Variants in ROCK2 observed in about 807,000 individuals in gnomAD.
The protein encoded by ROCK2 is rho-associated protein kinase 2.
In ROCK2, 61 loss-of-function variants were observed where a neutral mutation model predicts 195.1. The observed-to-expected ratio is 0.31, with a 90% CI of 0.25 to 0.39. ROCK2 has a LOEUF of 0.39. Among genes scored for constraint, ROCK2 ranks in the 10% least tolerant of loss-of-function variants. The probability of loss-of-function intolerance (pLI) is 1.00; values close to 1 mark genes in which losing one functional copy is unlikely to be tolerated. For synonymous variants in ROCK2, 504 were observed against 545.5 expected (o/e 0.92, Z 1.06); for missense variants, 1,109 against 1,637.4 (o/e 0.68, Z 5.57).
chr2:11,340,846 T>C (rs1217267723), intron 1 of ROCK2, among the ~76,000 whole-genome samples: 1 of 152,222 alleles, frequency 6.6e-6, no homozygotes, highest in Non-Finnish European at 1.5e-5. Flanking sequence ...AGTAAGAGTT[T>C]ACCCAAGCGT....
Position 11,197,507 on chromosome 2 carries a change from G to A in ROCK2, c.3279+19C>T. 1.2e-6 allele frequency: 2 copies of A among 1,607,118 alleles called. No homozygotes were observed. Among genetic ancestry groups the A allele is most frequent in the Non-Finnish European group, 1.7e-6 (2 of 1,176,706 alleles). ...CTTAAAAAGAAGTCTTCAGTCTAGAGTCCAAAAAGTATTCTTACTGCCTGC... is the reference window on the plus strand; with the variant it reads ...CTTAAAAAGAAGTCTTCAGTCTAGAATCCAAAAAGTATTCTTACTGCCTGC... On this transcript the variant is annotated intron_variant, in intron 26 of 32. Coordinates refer to ENST00000315872, the MANE Select transcript of ROCK2 (RefSeq NM_004850.5). This position sits in a 1 kb window ranked among gnomAD's most constrained non-coding sequence, Gnocchi z 4.9.
chr2:11,339,069 C>G lies in ROCK2; in HGVS notation c.141+4927G>C, dbSNP rs143227734. Among the ~76,000 whole-genome samples, 1,083 of 152,256 alleles carry G rather than the reference C, an allele frequency of 7.1e-3. 15 individuals carry two copies. Among genetic ancestry groups the G allele is most frequent in the African/African-American group, 0.025 (1,031 of 41,562 alleles). ...ATAGGTGTGTGCATTTGTCAAAACTCACCAGCGGTACACTTCAGATCTGTG... is the reference window on the plus strand; with the variant it reads ...ATAGGTGTGTGCATTTGTCAAAACTGACCAGCGGTACACTTCAGATCTGTG... On this transcript the variant is annotated intron_variant, in intron 1 of 32. Coordinates refer to ENST00000315872, the MANE Select transcript of ROCK2 (RefSeq NM_004850.5).
intron 9 of ROCK2, among the ~76,000 whole-genome samples, chr2:11,220,796 T>C (rs1334444952): frequency 6.6e-6 from 1 of 152,166 alleles, no homozygotes; most frequent in African/African-American, 2.4e-5. Flanking sequence ...GTCTGACCTA[T>C]TTCTCCCTAC....
At position 11,260,016 on chromosome 2, in the gene ROCK2, A is replaced by G. The variant is rs139793018; in HGVS notation, c.325-10218T>C. 4.7e-3 allele frequency among the ~76,000 whole-genome samples: 717 copies of G among 151,706 alleles called. 43 individuals carry two copies. The highest frequency in any genetic ancestry group is 0.016 in the African/African-American group (671 of 40,946). ...GGGAATTTAAGGAATGAATTATCCT[A>G]GACTTGAAACTAGAAAACCCTCTTA... On this transcript the variant is annotated intron_variant, in intron 3 of 32. Coordinates refer to ENST00000315872, the MANE Select transcript of ROCK2 (RefSeq NM_004850.5).
chr2:11,340,763 TTATTTTA>T (rs1161974244), intron 1 of ROCK2, among the ~76,000 whole-genome samples: 1 of 152,184 alleles, frequency 6.6e-6, no homozygotes, highest in Non-Finnish European at 1.5e-5. Context: ...ATCAATCAAA[TTATTTTA>T]TGTTTTATGC....
intron 32 of ROCK2, among the ~76,000 whole-genome samples, chr2:11,185,005 A>T (rs1205959177): frequency 6.6e-6 from 1 of 152,220 alleles, no homozygotes; most frequent in African/African-American, 2.4e-5. Flanking sequence ...GACAGCGATC[A>T]TATTTGGGAT....
chr2:11,294,611 A>T (rs1313422138), intron 1 of ROCK2, among the ~76,000 whole-genome samples: 1 of 152,096 alleles, frequency 6.6e-6, no homozygotes, highest in African/African-American at 2.4e-5. Context: ...GTATTTTTTA[A>T]ATTAAATTCT....
At chr2:11,342,658 A>G (rs1400210758) in intron 1 of ROCK2, among the ~76,000 whole-genome samples, 1 of 152,212 alleles carries the variant, frequency 6.6e-6, no homozygotes, top group Non-Finnish European at 1.5e-5. Context: ...TTAGCCTAGG[A>G]AAAGCTATGC....
chr2:11,269,160 G>A (rs1034078112), intron 3 of ROCK2, among the ~76,000 whole-genome samples: 5 of 151,952 alleles, frequency 3.3e-5, no homozygotes, highest in South Asian at 2.1e-4. Flanking sequence ...CATCACTTTC[G>A]TGACTTTCTC....
chr2:11,238,401 T>C (rs2148110737), intron 4 of ROCK2, among the ~76,000 whole-genome samples: 1 of 152,198 alleles, frequency 6.6e-6, no homozygotes, highest in East Asian at 1.9e-4. Context: ...TCCATCTCAA[T>C]CCCAGTGGGT....
intron 1 of ROCK2, among the ~76,000 whole-genome samples, chr2:11,325,393 C>G (rs1668517302): frequency 6.6e-6 from 1 of 152,168 alleles, no homozygotes; most frequent in South Asian, 2.1e-4. Context: ...CAACTTCATA[C>G]CAGACTAAAT....
intron 1 of ROCK2, among the ~76,000 whole-genome samples, chr2:11,325,306 G>C (rs771133422): frequency 3.1e-4 from 47 of 152,284 alleles, no homozygotes; most frequent in Middle Eastern, 3.4e-3. Context: ...TATCCACAGG[G>C]GTCTTGGGGT....
At chr2:11,262,953 T>C (rs1009999851) in intron 3 of ROCK2, among the ~76,000 whole-genome samples, 8 of 152,280 alleles carry the variant, frequency 5.3e-5, no homozygotes, top group African/African-American at 1.9e-4. Context: ...CCTGGAGCAG[T>C]TACTGTTTCT....
intron 18 of ROCK2, among the ~76,000 whole-genome samples, chr2:11,211,386 A>C (rs905150330): frequency 6.6e-6 from 1 of 152,202 alleles, no homozygotes; most frequent in African/African-American, 2.4e-5. Flanking sequence ...ACGTATACCG[A>C]GTGGTACAGA....
intron 1 of ROCK2, among the ~76,000 whole-genome samples, chr2:11,343,708 G>C (rs1452811404): frequency 6.6e-6 from 1 of 152,172 alleles, no homozygotes; most frequent in Non-Finnish European, 1.5e-5. Flanking sequence ...TCCCCAGAGT[G>C]GGCAGGCGGA....
intron 1 of ROCK2, among the ~76,000 whole-genome samples, chr2:11,292,647 T>C (rs1183964670): frequency 2.0e-5 from 3 of 152,174 alleles, no homozygotes; most frequent in Non-Finnish European, 4.4e-5. Flanking sequence ...AGGAAGCATA[T>C]TTCTGTGTAT....
intron 3 of ROCK2, among the ~76,000 whole-genome samples, chr2:11,262,753 T>A (rs891243485): frequency 2.0e-5 from 3 of 152,202 alleles, no homozygotes; most frequent in Admixed American, 6.5e-5. Context: ...CTCGGGTATG[T>A]CTTTATTAGC....
intron 1 of ROCK2, among the ~76,000 whole-genome samples, chr2:11,332,624 A>T (rs936913133): frequency 6.6e-6 from 1 of 152,202 alleles, no homozygotes; most frequent in Non-Finnish European, 1.5e-5. Context: ...GAGAAACTGG[A>T]ACCCTTATAC....
intron 1 of ROCK2, among the ~76,000 whole-genome samples, chr2:11,294,932 C>T (rs540599419): frequency 6.6e-6 from 1 of 151,994 alleles, no homozygotes; most frequent in Non-Finnish European, 1.5e-5. Flanking sequence ...GGACTACAGG[C>T]GCATACCACT....
Sources: allele counts gnomAD v4.1 joint callset (sites outside exome capture counted in the v4.1 genomes callset), GRCh38; gene constraint gnomAD v4.1.1; non-coding constraint Gnocchi (gnomAD v3.1); transcripts MANE v1.5; gene names NCBI Gene and HGNC (gene_info 2026-07-23, HGNC 2026-07-21).